The following MGST2 variants were observed in gnomAD, a reference collection of about 807,000 sequenced individuals.
MGST2 encodes glutathione peroxidase MGST2.
A neutral mutation model predicts 16.6 loss-of-function variants in MGST2; 9 were observed. The ratio of observed to expected loss-of-function variants is 0.54; its 90% CI spans 0.33 to 0.95. The LOEUF is 0.95. Ranked by LOEUF, MGST2 falls within the 40% of genes least tolerant of loss-of-function variation. The probability of loss-of-function intolerance (pLI) is 0.03; values close to 1 mark genes in which losing one functional copy is unlikely to be tolerated. For synonymous variants in MGST2, 79 were observed against 68.0 expected, an observed-to-expected ratio of 1.16 and a Z score of -0.79; for missense variants, 159 against 175.1, an observed-to-expected ratio of 0.91 and a Z score of 0.52.
At chr4:139,669,403 CAG>C (rs1009386660) in intron 1 of MGST2, among the ~76,000 whole-genome samples, 2 of 152,212 alleles carry the variant, frequency 1.3e-5, no homozygotes, top group Non-Finnish European at 2.9e-5. Flanking sequence ...TGAAGACAGA[CAG>C]AGCTGTATCT....
At chr4:139,693,247 TACA>T (rs1726716101) in intron 2 of MGST2, among the ~76,000 whole-genome samples, 2 of 151,336 alleles carry the variant, frequency 1.3e-5, no homozygotes, top group South Asian at 4.2e-4. Flanking sequence ...CTACTAAAAA[TACA>T]AAAAATTAGC....
chr4:139,731,064 CTTA>C, intron 5 of MGST2: 1 of 188,104 alleles, frequency 5.3e-6, no homozygotes, highest in Non-Finnish European at 1.1e-5. Flanking sequence ...ATCCTTATTT[CTTA>C]CTGTCTACTT....
intron 1 of MGST2, among the ~76,000 whole-genome samples, chr4:139,666,381 C>G (rs975300937): frequency 6.6e-6 from 1 of 152,068 alleles, no homozygotes; most frequent in South Asian, 2.1e-4. Flanking sequence ...GACCCACAGC[C>G]CGTTCAAACG....
At chr4:139,730,616 C>T (rs769844879) in intron 5 of MGST2, 21 of 1,612,782 alleles carry the variant, frequency 1.3e-5, no homozygotes, top group Non-Finnish European at 1.7e-5. Context: ...CCTGGGGGCA[C>T]GGAGGACTGC....
chr4:139,700,036 A>G (rs1201340479), intron 3 of MGST2, among the ~76,000 whole-genome samples: 1 of 152,048 alleles, frequency 6.6e-6, no homozygotes, highest in South Asian at 2.1e-4. Flanking sequence ...TGTCTCAAAA[A>G]GAAAATAATA....
rs369000853 is a variant in MGST2 at position 139,735,315 on chromosome 4, C to A, written c.*49-4897C>A. Reference sequence around the variant, plus strand: ...TGCCGTGTATCTCTGGGGTTATCTGCCCCCCTCCTCCGACTGACACTGAAC... The same window carrying A: ...TGCCGTGTATCTCTGGGGTTATCTGACCCCCTCCTCCGACTGACACTGAAC... On this transcript the variant is annotated intron_variant, in intron 5 of 5. Transcript: ENST00000616265. The surrounding 1 kb of genome is among the most constrained non-coding windows in gnomAD (Gnocchi z 5.8). Among the ~76,000 whole-genome samples the A allele has an allele frequency of 6.6e-6, 1 of 152,162 alleles. No individual in the cohort carries two copies. The highest frequency in any genetic ancestry group is 2.4e-5 in the African/African-American group (1 of 41,434).
intron 5 of MGST2, chr4:139,720,011 C>T (rs1728164503): frequency 6.2e-7 from 1 of 1,614,100 alleles, no homozygotes; most frequent in Admixed American, 1.7e-5. Flanking sequence ...ACTCACCATT[C>T]CAACCCCCTG....
At chr4:139,690,152 C>T (rs1726487463) in intron 2 of MGST2, among the ~76,000 whole-genome samples, 1 of 152,078 alleles carries the variant, frequency 6.6e-6, no homozygotes, top group Admixed American at 6.6e-5. Context: ...CCACCATGCT[C>T]AGTTAATTTT....
At chr4:139,710,000 G>A (rs928289219) in intron 5 of MGST2, among the ~76,000 whole-genome samples, 1 of 152,188 alleles carries the variant, frequency 6.6e-6, no homozygotes, top group African/African-American at 2.4e-5. Flanking sequence ...ACAAAAAGAG[G>A]AAACAAATCA....
At chr4:139,716,118 T>G (rs1265614041) in intron 5 of MGST2, among the ~76,000 whole-genome samples, 1 of 152,208 alleles carries the variant, frequency 6.6e-6, no homozygotes, top group East Asian at 1.9e-4. Context: ...GCAGTAGAGC[T>G]CTGGAGCAAA....
At chr4:139,714,213 A>C (rs991007342) in intron 5 of MGST2, among the ~76,000 whole-genome samples, 2 of 152,216 alleles carry the variant, frequency 1.3e-5, no homozygotes, top group Non-Finnish European at 1.5e-5. Context: ...GTTTTATCCT[A>C]AAGTACCCCT....
At chr4:139,697,454 G>C (rs193011455) in intron 3 of MGST2, among the ~76,000 whole-genome samples, 1 of 152,210 alleles carries the variant, frequency 6.6e-6, no homozygotes, top group Non-Finnish European at 1.5e-5. Flanking sequence ...CTGTTATCTT[G>C]ATATTTTAAA....
intron 2 of MGST2, among the ~76,000 whole-genome samples, chr4:139,684,720 T>C (rs957525366): frequency 3.9e-5 from 6 of 152,166 alleles, no homozygotes; most frequent in Admixed American, 1.3e-4. Context: ...GATAGGATAA[T>C]AGGCCTGACT....
At chr4:139,683,251 C>T (rs1051009001) in intron 2 of MGST2, among the ~76,000 whole-genome samples, 3 of 152,136 alleles carry the variant, frequency 2.0e-5, no homozygotes, top group Non-Finnish European at 4.4e-5. Flanking sequence ...GGGAAGTGGT[C>T]AGGTTCTGGA....
chr4:139,669,333 G>A (rs1030639844), intron 1 of MGST2, among the ~76,000 whole-genome samples: 4 of 152,196 alleles, frequency 2.6e-5, no homozygotes, highest in African/African-American at 9.7e-5. Flanking sequence ...TGCTCCTTTT[G>A]CAAGTCTGAT....
chr4:139,703,414 GTA>G, intron 3 of MGST2, 39 bp from the exon 4 acceptor site: 1 of 1,523,536 alleles, frequency 6.6e-7, no homozygotes, highest in Non-Finnish European at 9.1e-7. Flanking sequence ...GACTGCTGTT[GTA>G]TTTTGTGCCT....
At chr4:139,696,429 C>A (rs1166282115) in intron 3 of MGST2, among the ~76,000 whole-genome samples, 1 of 152,142 alleles carries the variant, frequency 6.6e-6, no homozygotes, top group African/African-American at 2.4e-5. Context: ...TCATCAGAAC[C>A]CTTCTGCCAG....
chr4:139,700,596 T>C (rs1727198937), intron 3 of MGST2, among the ~76,000 whole-genome samples: 1 of 152,208 alleles, frequency 6.6e-6, no homozygotes, highest in South Asian at 2.1e-4. Flanking sequence ...CATTCACCAA[T>C]GTGGGGAAAT....
chr4:139,728,220 A>G (rs1028929669), intron 5 of MGST2, among the ~76,000 whole-genome samples: 11 of 152,162 alleles, frequency 7.2e-5, no homozygotes, highest in African/African-American at 2.7e-4. Flanking sequence ...GTCTCAAAAC[A>G]AAACAAACAA....
Sources: allele counts gnomAD v4.1 joint callset (sites outside exome capture counted in the v4.1 genomes callset), GRCh38; gene constraint gnomAD v4.1.1; non-coding constraint Gnocchi (gnomAD v3.1); transcripts MANE v1.5; gene names NCBI Gene and HGNC (gene_info 2026-07-23, HGNC 2026-07-21).